The following AHCYL2 variants were observed in gnomAD, a reference collection of about 807,000 sequenced individuals.
The protein encoded by AHCYL2 is adenosylhomocysteinase like 2, also known as S-adenosylhomocysteine hydrolase-like protein 2.
Under a neutral mutation model 81.4 loss-of-function variants are expected in AHCYL2, and 28 were observed. That is an observed-to-expected ratio of 0.34 (90% confidence interval 0.25 to 0.47). The LOEUF is 0.47. AHCYL2 is among the 20% of genes least tolerant of loss of function. AHCYL2 has a pLI of 1.00. For synonymous variants in AHCYL2, 272 were observed against 290.2 expected (o/e 0.94, Z 0.64); for missense variants, 551 against 785.1 (o/e 0.70, Z 3.56).
chr7:129,384,490 G>C (rs1019343195), intron 2 of AHCYL2, among the ~76,000 whole-genome samples: 1 of 151,816 alleles, frequency 6.6e-6, no homozygotes, highest in Non-Finnish European at 1.5e-5. Flanking sequence ...GGTGTTCAGA[G>C]ACGTTATACT....
chr7:129,265,881 G>A (rs191912011), intron 1 of AHCYL2, among the ~76,000 whole-genome samples: 122 of 152,236 alleles, frequency 8.0e-4, no homozygotes, highest in Admixed American at 2.2e-3. Flanking sequence ...AGATAATAGC[G>A]GTGACGATGA....
intron 1 of AHCYL2, among the ~76,000 whole-genome samples, chr7:129,239,567 C>T (rs1261351431): frequency 1.3e-5 from 2 of 152,012 alleles, no homozygotes; most frequent in Non-Finnish European, 2.9e-5. Context: ...CTGCCTTAGC[C>T]TCCTGAGTAG....
chr7:129,398,931 C>T (rs1795882760), intron 5 of AHCYL2, among the ~76,000 whole-genome samples: 1 of 151,850 alleles, frequency 6.6e-6, no homozygotes, highest in Non-Finnish European at 1.5e-5. Flanking sequence ...CACCTGAGGT[C>T]AGGAATTCAA....
intron 2 of AHCYL2, among the ~76,000 whole-genome samples, chr7:129,380,841 A>G (rs1360267041): frequency 6.6e-6 from 1 of 152,166 alleles, no homozygotes; most frequent in African/African-American, 2.4e-5. Context: ...CACGGACTCA[A>G]GTGATCCTCC....
chr7:129,285,365 A>G (rs1485098496), intron 1 of AHCYL2, among the ~76,000 whole-genome samples: 4 of 152,190 alleles, frequency 2.6e-5, no homozygotes, highest in Non-Finnish European at 5.9e-5. Context: ...GGATCAGAGC[A>G]TAGAGATTCC....
intron 1 of AHCYL2, among the ~76,000 whole-genome samples, chr7:129,297,889 G>A (rs1797108246): frequency 6.6e-6 from 1 of 152,120 alleles, no homozygotes; most frequent in South Asian, 2.1e-4. Context: ...CCGACATGGT[G>A]GTGGACTAAT....
chr7:129,293,148 GGT>G (rs201312245), intron 1 of AHCYL2, among the ~76,000 whole-genome samples: 1 of 63,882 alleles, frequency 1.6e-5, no homozygotes, highest in Admixed American at 1.4e-4. Flanking sequence ...AGAGTTTTTG[GGT>G]TTTTTTTTTG....
chr7:129,409,098 A>AC (rs1796443586), intron 10 of AHCYL2, among the ~76,000 whole-genome samples: 2 of 151,826 alleles, frequency 1.3e-5, no homozygotes, highest in Non-Finnish European at 2.9e-5. Flanking sequence ...AAAAAAAAAA[A>AC]AACACACACA....
At chr7:129,254,799 C>A (rs760525296) in intron 1 of AHCYL2, among the ~76,000 whole-genome samples, 3 of 152,122 alleles carry the variant, frequency 2.0e-5, no homozygotes, top group Non-Finnish European at 4.4e-5. Flanking sequence ...TTTCTATTGT[C>A]TCTGAGGGTA....
At chr7:129,303,753 C>T (rs972454889) in intron 1 of AHCYL2, among the ~76,000 whole-genome samples, 9 of 151,994 alleles carry the variant, frequency 5.9e-5, no homozygotes, top group South Asian at 2.1e-4. Flanking sequence ...TTATTTGATG[C>T]GTTTCTACTT....
intron 1 of AHCYL2, among the ~76,000 whole-genome samples, chr7:129,238,677 C>A (rs1021091764): frequency 6.6e-6 from 1 of 152,128 alleles, no homozygotes; most frequent in Non-Finnish European, 1.5e-5. Context: ...TGTGGCCGGG[C>A]GCGGTGGCTC....
chr7:129,373,087 G>A (rs745704049), intron 1 of AHCYL2, among the ~76,000 whole-genome samples: 8 of 151,994 alleles, frequency 5.3e-5, no homozygotes, highest in Non-Finnish European at 1.2e-4. Flanking sequence ...CCAGAGAATT[G>A]GAAGCTGAAA....
At chr7:129,260,251 A>G (rs1260856638) in intron 1 of AHCYL2, among the ~76,000 whole-genome samples, 1 of 152,150 alleles carries the variant, frequency 6.6e-6, no homozygotes, top group East Asian at 1.9e-4. Flanking sequence ...ATACTCTTGT[A>G]TAACTGTCTT....
intron 1 of AHCYL2, among the ~76,000 whole-genome samples, chr7:129,288,879 C>A (rs1343611824): frequency 6.6e-6 from 1 of 151,472 alleles, no homozygotes; most frequent in Non-Finnish European, 1.5e-5. Flanking sequence ...AATTGATCTT[C>A]CCACCTCAGC....
At chr7:129,375,834 G>T in intron 1 of AHCYL2, 1 of 1,535,508 alleles carries the variant, frequency 6.5e-7, no homozygotes, top group Non-Finnish European at 8.7e-7. Flanking sequence ...AGGGTCCCTG[G>T]ACCACAGAGG....
intron 1 of AHCYL2, among the ~76,000 whole-genome samples, chr7:129,307,096 C>T (rs1797470711): frequency 6.6e-6 from 1 of 152,178 alleles, no homozygotes; most frequent in African/African-American, 2.4e-5. Flanking sequence ...GCTGTGACCA[C>T]TACCTGGCTG....
At chr7:129,340,554 C>A (rs555966590) in intron 1 of AHCYL2, among the ~76,000 whole-genome samples, 1 of 145,604 alleles carries the variant, frequency 6.9e-6, no homozygotes, top group African/African-American at 2.6e-5. Flanking sequence ...GGAGACAGAG[C>A]GAGACTCCGT....
intron 12 of AHCYL2, among the ~76,000 whole-genome samples, chr7:129,418,589 G>A (rs539261058): frequency 5.3e-5 from 8 of 152,102 alleles, no homozygotes; most frequent in South Asian, 2.1e-4. Context: ...ATGAGCCACC[G>A]CGCCCAGCCG....
At chr7:129,286,966 A>G (rs1584745290) in intron 1 of AHCYL2, among the ~76,000 whole-genome samples, 1 of 152,132 alleles carries the variant, frequency 6.6e-6, no homozygotes, top group African/African-American at 2.4e-5. Flanking sequence ...TAAATTGAAA[A>G]TAATAATCCC....
Sources: allele counts gnomAD v4.1 joint callset (sites outside exome capture counted in the v4.1 genomes callset), GRCh38; gene constraint gnomAD v4.1.1; transcripts MANE v1.5; gene names NCBI Gene and HGNC (gene_info 2026-07-23, HGNC 2026-07-21).